Variants in EXOSC6 observed in about 807,000 individuals in gnomAD.
EXOSC6 encodes exosome component 6.
A neutral mutation model predicts 16.7 loss-of-function variants in EXOSC6; 21 were observed. That is an observed-to-expected ratio of 1.26 (90% CI 0.89 to 1.82). The LOEUF (loss-of-function observed/expected upper bound fraction) is 1.82. Ranked by LOEUF, EXOSC6 falls within the 40% of genes most tolerant of loss-of-function variation. The pLI is 0.00. For missense variants in EXOSC6, 538 were observed against 415.7 expected (o/e 1.29, Z -2.56); for synonymous variants, 297 against 217.1 (o/e 1.37, Z -3.24).
chr16:70,251,202 C>T lies in EXOSC6; in HGVS notation c.699G>A (p.Leu233=), dbSNP rs759924078. Residue 233 remains leucine, a synonymous_variant, in exon 1 of 1, where the codon CTG becomes CTA. Transcript: ENST00000435634. ...GTACGGCCTCCGCCCAGCTCTCTGT[C>T]AGGCCGCCCTCGCCGCTGCCCAGCA... The part of the protein sequence containing the change: ...AGLLGSGEGG[L]TESWAEAVRL... 2 of 1,512,882 alleles carry T rather than the reference C, an allele frequency of 1.3e-6. No homozygotes were observed. Among genetic ancestry groups the T allele is most frequent in the African/African-American group, 1.4e-5 (1 of 69,456 alleles). The allele number at this position is 1,512,882 out of a possible 1,614,324, so 93.7% of individuals were successfully genotyped here.
chr16:70,250,785 G>A lies in EXOSC6; in HGVS notation c.*297C>T. On this transcript the variant is annotated 3_prime_UTR_variant, in exon 1 of 1. Transcript: ENST00000435634. ...AAGGCAGGAGGATCAATCAAGGCTAGGAGTTTGAGACTGCAGAAAGAAACC... is the reference window on the plus strand; with the variant it reads ...AAGGCAGGAGGATCAATCAAGGCTAAGAGTTTGAGACTGCAGAAAGAAACC... 2.9e-6 allele frequency: 1 copy of A among 347,704 alleles called. No individual in the cohort carries two copies. Among genetic ancestry groups the A allele is most frequent in the Non-Finnish European group, 5.1e-6 (1 of 194,400 alleles). 21.5% of individuals were successfully genotyped at this position (347,704 alleles called of 1,614,324 possible). A position where few individuals can be genotyped will look rare whatever the true frequency, so the allele number is the denominator to read the frequency against.
chr16:70,251,754 G>T lies in EXOSC6; in HGVS notation c.147C>A (p.Ala49=). 1 of 1,425,632 alleles carries T rather than the reference G, an allele frequency of 7.0e-7. No homozygotes were observed. The highest frequency in any genetic ancestry group is 9.1e-7 in the Non-Finnish European group (1 of 1,101,188). 88.3% of individuals were successfully genotyped at this position (1,425,632 alleles called of 1,614,324 possible). Reference sequence around the variant, plus strand: ...CCGCCTCCAGGTAGGCCGAGCCCTTGGCCTGGCTCAGCAGCCCGGCGCGCG... The same window carrying T: ...CCGCCTCCAGGTAGGCCGAGCCCTTTGCCTGGCTCAGCAGCCCGGCGCGCG... The part of the protein sequence containing the change: ...VYARAGLLSQ[A]KGSAYLEAGG... The change falls in exon 1 of 1, where the codon GCC becomes GCA. Residue 49 remains alanine, a synonymous_variant. Transcript: ENST00000435634.
chr16:70,251,434 G>T lies in EXOSC6; in HGVS notation c.467C>A (p.Ser156Ter). 1 of 1,347,478 alleles carries T rather than the reference G, an allele frequency of 7.4e-7. No homozygotes were observed. The highest frequency in any genetic ancestry group is 1.5e-5 in the African/African-American group (1 of 65,344). The allele number at this position is 1,347,478 out of a possible 1,614,324, so 83.5% of individuals were successfully genotyped here. Residue 156 changes from serine (S) to a stop codon, truncating the protein, a stop_gained, in exon 1 of 1, where the codon TCG becomes TAG. Transcript: ENST00000435634. LOFTEE classifies it high-confidence loss of function. ...GGCGGTGAGCGCGGCGGCCAGGGCC[G>T]AGCCACCGTCCTCCAGCAGCAGCGC... ...VSALLLEDGG[S>*]ALAAALTAAA...
chr16:70,248,826 G>C lies in EXOSC6; in HGVS notation c.*2256C>G, dbSNP rs1260076078. ...AAACAGGGTTTCACCTTGTTGCCCA[G>C]GCTGGTCTCAAACTCCTGGACTCAG... On this transcript the variant is annotated 3_prime_UTR_variant, in exon 1 of 1. Transcript: ENST00000435634. 7.7e-6 allele frequency: 1 copy of C among 129,208 alleles called. No individual in the cohort carries two copies. The highest frequency in any genetic ancestry group is 1.6e-5 in the Non-Finnish European group (1 of 63,906). The allele number at this position is 129,208 out of a possible 1,614,324, so 8.0% of individuals were successfully genotyped here. A position where few individuals can be genotyped will look rare whatever the true frequency, so the allele number is the denominator to read the frequency against.
rs1285147174 is a variant in EXOSC6 at position 70,251,522 on chromosome 16, G to GCAGCGC, written c.373_378dup (p.Ala125_Leu126dup). The GCAGCGC allele has an allele frequency of 3.3e-5, 41 of 1,254,768 alleles. No homozygotes were observed. Among genetic ancestry groups the GCAGCGC allele is most frequent in the South Asian group, 1.7e-4 (7 of 40,114 alleles). The allele number at this position is 1,254,768 out of a possible 1,614,324, so 77.7% of individuals were successfully genotyped here. On this transcript the variant is annotated inframe_insertion, in exon 1 of 1. Coordinates refer to ENST00000435634, the MANE Select transcript of EXOSC6 (RefSeq NM_058219.3). ...CGCACAGCCGGCTCCAGCGCCTCCT[G>GCAGCGC]CAGCGCCAGCGCCAGCTCACGCTCC...
Position 70,251,452 on chromosome 16 carries a change from A to G in EXOSC6, c.449T>C (p.Leu150Pro). The change falls in exon 1 of 1, where the codon CTG (leucine) becomes CCG (proline). Residue 150 changes from leucine (L) to proline (P), a missense_variant. By Grantham distance (98) the Leu-to-Pro change is moderately conservative. Transcript: ENST00000435634. ...CAGGGCCGAGCCACCGTCCTCCAGC[A>G]GCAGCGCCGACACCTCGAGCTGCGC... ...PRAQLEVSAL[L>P]LEDGGSALAA... is the part of the protein sequence containing the mutation. The G allele has an allele frequency of 1.5e-6, 2 of 1,343,786 alleles. No homozygotes were observed. Among genetic ancestry groups the G allele is most frequent in the Non-Finnish European group, 9.5e-7 (1 of 1,048,726 alleles). 83.2% of individuals were successfully genotyped at this position (1,343,786 alleles called of 1,614,324 possible). A position where few individuals can be genotyped will look rare whatever the true frequency, so the allele number is the denominator to read the frequency against.
rs1264414923 is a variant in EXOSC6, at chr16:70,251,890, T to G, written c.11A>C (p.Asp4Ala). The G allele has an allele frequency of 6.5e-7, 1 of 1,539,752 alleles. No individual in the cohort carries two copies. Among genetic ancestry groups the G allele is most frequent in the African/African-American group, 1.4e-5 (1 of 70,402 alleles). Residue 4 changes from aspartate (D) to alanine (A), a missense_variant, in exon 1 of 1, where the codon GAT becomes GCT. Transcript: ENST00000435634. Reference sequence around the variant, plus strand: ...TTCAGGGCCGCGGATGCGGCGGTGATCCCCAGGCATGGCGGTTCTTGGCGT... The same window carrying G: ...TTCAGGGCCGCGGATGCGGCGGTGAGCCCCAGGCATGGCGGTTCTTGGCGT... The part of the protein sequence containing the change: MPG[D>A]HRRIRGPEES...
Position 70,250,877 on chromosome 16 carries a change from CTG to C in EXOSC6, c.*203_*204del. 1 of 523,012 alleles carries C rather than the reference CTG, an allele frequency of 1.9e-6. No homozygotes were observed. The allele number at this position is 523,012 out of a possible 1,614,324, so 32.4% of individuals were successfully genotyped here. On this transcript the variant is annotated 3_prime_UTR_variant, in exon 1 of 1. Transcript: ENST00000435634. ...TCCACCACAAGCGCAGCTCCAGGGG[CTG>C]TTGAGTTTTGCCTTTATCATTCCAA...
chr16:70,251,792 G>C lies in EXOSC6; in HGVS notation c.109C>G (p.Arg37Gly), dbSNP rs1274101394. 6.7e-7 allele frequency: 1 copy of C among 1,495,840 alleles called. No homozygotes were observed. Among genetic ancestry groups the C allele is most frequent in the Non-Finnish European group, 8.8e-7 (1 of 1,132,470 alleles). 92.7% of individuals were successfully genotyped at this position (1,495,840 alleles called of 1,614,324 possible). The change falls in exon 1 of 1, where the codon CGG (arginine) becomes GGG (glycine). Residue 37 changes from arginine to glycine, a missense_variant. Physicochemically the swap from Arg to Gly is moderately radical, Grantham distance 125. Coordinates refer to ENST00000435634, the MANE Select transcript of EXOSC6 (RefSeq NM_058219.3). ...AGCCCGGCGCGCGCGTACACGGGCC[G>C]TAGCCGCGTTGGGTCGCGGGTGCCG... is the stretch of plus-strand genomic sequence containing the variant. ...APGTRDPTRL[R>G]PVYARAGLLS...
At position 70,251,820 on chromosome 16, in the gene EXOSC6, C is replaced by A. The variant is rs760131999; in HGVS notation, c.81G>T (p.Ala27=). Residue 27 remains alanine, a synonymous_variant, in exon 1 of 1, where the codon GCG becomes GCT. Transcript: ENST00000435634. ...GCCGCGTTGGGTCGCGGGTGCCGGG[C>A]GCCTCCTCCTCGTCGGCCGCGTACA... ...PQLYAADEEE[A]PGTRDPTRLR... is the part of the protein sequence containing the mutation. 191 of 1,530,502 alleles carry A rather than the reference C, an allele frequency of 1.2e-4. No individual in the cohort carries two copies. Among genetic ancestry groups the A allele is most frequent in the Non-Finnish European group, 1.5e-4 (177 of 1,149,372 alleles). The allele number at this position is 1,530,502 out of a possible 1,614,324, so 94.8% of individuals were successfully genotyped here.
Position 70,251,568 on chromosome 16 carries a change from G to A in EXOSC6, c.333C>T (p.Arg111=). Residue 111 remains arginine (R), a synonymous_variant, in exon 1 of 1, where the codon CGC becomes CGT. Coordinates refer to ENST00000435634, the MANE Select transcript of EXOSC6 (RefSeq NM_058219.3). ...GCTCCTCGCAGCCGCCCGGGGGAGC[G>A]CGGCGCCGGCGGCCCGCGAAGGGTG... is the stretch of plus-strand genomic sequence containing the variant. ...RRAPFAGRRR[R]APPGGCEERE... 2 of 1,110,562 alleles carry A rather than the reference G, an allele frequency of 1.8e-6. No homozygotes were observed. Among genetic ancestry groups the A allele is most frequent in the Non-Finnish European group, 2.2e-6 (2 of 913,164 alleles). The allele number at this position is 1,110,562 out of a possible 1,614,324, so 68.8% of individuals were successfully genotyped here. A position where few individuals can be genotyped will look rare whatever the true frequency, so the allele number is the denominator to read the frequency against.
rs1959828871 is a variant in EXOSC6 at position 70,251,753 on chromosome 16, T to G, written c.148A>C (p.Lys50Gln). 7.0e-7 allele frequency: 1 copy of G among 1,424,560 alleles called. No individual in the cohort carries two copies. Among genetic ancestry groups the G allele is most frequent in the Non-Finnish European group, 9.1e-7 (1 of 1,100,776 alleles). The allele number at this position is 1,424,560 out of a possible 1,614,324, so 88.2% of individuals were successfully genotyped here. ...YARAGLLSQA[K>Q]GSAYLEAGGT... ...CCCGCCTCCAGGTAGGCCGAGCCCT[T>G]GGCCTGGCTCAGCAGCCCGGCGCGC... is the stretch of plus-strand genomic sequence containing the variant. The change falls in exon 1 of 1, where the codon AAG (lysine) becomes CAG (glutamine). Residue 50 changes from lysine to glutamine, a missense_variant. Coordinates refer to ENST00000435634, the MANE Select transcript of EXOSC6 (RefSeq NM_058219.3).
chr16:70,251,854 G>C lies in EXOSC6; in HGVS notation c.47C>G (p.Pro16Arg), dbSNP rs748576023. 1.5e-5 allele frequency: 24 copies of C among 1,555,098 alleles called. No homozygotes were observed. The highest frequency in any genetic ancestry group is 1.1e-4 in the Admixed American group (6 of 55,248). Residue 16 changes from proline to arginine, a missense_variant, in exon 1 of 1, where the codon CCG (proline) becomes CGG (arginine). Physicochemically the swap from Pro to Arg is moderately radical, Grantham distance 103 (BLOSUM62 -2). Transcript: ENST00000435634. Reference protein sequence around the residue: ...RRIRGPEESQPPQLYAADEEE... With the variant: ...RRIRGPEESQRPQLYAADEEE... ...CTCGTCGGCCGCGTACAGCTGCGGC[G>C]GCTGCGATTCTTCAGGGCCGCGGAT...
rs923945041 is a variant in EXOSC6 at position 70,251,086 on chromosome 16, G to A, written c.815C>T (p.Pro272Leu). 5 of 1,478,002 alleles carry A rather than the reference G, an allele frequency of 3.4e-6. No homozygotes were observed. Among genetic ancestry groups the A allele is most frequent in the East Asian group, 2.7e-5 (1 of 37,248 alleles). The allele number at this position is 1,478,002 out of a possible 1,614,324, so 91.6% of individuals were successfully genotyped here. Residue 272 changes from proline (P) to leucine (L), a missense_variant, in exon 1 of 1, where the codon CCC becomes CTC. Physicochemically the swap from Pro to Leu is moderately conservative, Grantham distance 98. Transcript: ENST00000435634. ...AARRRGAAAQ[P>L] is the part of the protein sequence containing the mutation. ...GTAGTTGCTCAGGCTTCTGGTTCAG[G>A]GCTGGGCGGCGGCGCCCCTGCGGCG...
rs1328883875 is a variant in EXOSC6 at position 70,248,969 on chromosome 16, A to C, written c.*2113T>G. The C allele has an allele frequency of 6.8e-6, 1 of 146,604 alleles. No individual in the cohort carries two copies. Among genetic ancestry groups the C allele is most frequent in the Non-Finnish European group, 1.5e-5 (1 of 67,106 alleles). The allele number at this position is 146,604 out of a possible 1,614,324, so 9.1% of individuals were successfully genotyped here. A position where few individuals can be genotyped will look rare whatever the true frequency, so the allele number is the denominator to read the frequency against. On this transcript the variant is annotated 3_prime_UTR_variant, in exon 1 of 1. Coordinates refer to ENST00000435634, the MANE Select transcript of EXOSC6 (RefSeq NM_058219.3). ...AGAGAACACTCCTTATATTTCCTTT[A>C]TATTTTGTAAACTACATACCCAAAA...
rs1465886509 is a variant in EXOSC6, at chr16:70,250,800, A to T, written c.*282T>A. ...ATCAAGGCTAGGAGTTTGAGACTGC[A>T]GAAAGAAACCCTGTCTCTAAAAAAA... On this transcript the variant is annotated 3_prime_UTR_variant, in exon 1 of 1. Coordinates refer to ENST00000435634, the MANE Select transcript of EXOSC6 (RefSeq NM_058219.3). 1 of 369,642 alleles carries T rather than the reference A, an allele frequency of 2.7e-6. No individual in the cohort carries two copies. Among genetic ancestry groups the T allele is most frequent in the African/African-American group, 2.1e-5 (1 of 47,696 alleles). 22.9% of individuals were successfully genotyped at this position (369,642 alleles called of 1,614,324 possible).
At position 70,250,817 on chromosome 16, in the gene EXOSC6, C is replaced by CT. The variant is rs1959796770; in HGVS notation, c.*264dup. 5.1e-6 allele frequency: 2 copies of CT among 394,224 alleles called. No homozygotes were observed. The highest frequency in any genetic ancestry group is 4.1e-5 in the African/African-American group (2 of 48,328). 24.4% of individuals were successfully genotyped at this position (394,224 alleles called of 1,614,324 possible). On this transcript the variant is annotated 3_prime_UTR_variant, in exon 1 of 1. Transcript: ENST00000435634. ...GAGACTGCAGAAAGAAACCCTGTCT[C>CT]TAAAAAAAAGGTCCAGGTAATTTCA...
chr16:70,251,886 G>GT lies in EXOSC6; in HGVS notation c.14dup (p.His5GlnfsTer8). 1 of 1,543,990 alleles carries GT rather than the reference G, an allele frequency of 6.5e-7. No homozygotes were observed. The highest frequency in any genetic ancestry group is 8.7e-7 in the Non-Finnish European group (1 of 1,155,458). On this transcript the variant is annotated frameshift_variant, in exon 1 of 1. Transcript: ENST00000435634. LOFTEE classifies it high-confidence loss of function. ...ATTCTTCAGGGCCGCGGATGCGGCG[G>GT]TGATCCCCAGGCATGGCGGTTCTTG...
In EXOSC6 at chr16:70,250,308, C is replaced by CT. The variant is rs897724230; in HGVS notation, c.*773dup. The CT allele has an allele frequency of 6.6e-6, 1 of 152,188 alleles. No individual in the cohort carries two copies. The highest frequency in any genetic ancestry group is 2.4e-5 in the African/African-American group (1 of 41,436). The allele number at this position is 152,188 out of a possible 1,614,324, so 9.4% of individuals were successfully genotyped here. A position where few individuals can be genotyped will look rare whatever the true frequency, so the allele number is the denominator to read the frequency against. On this transcript the variant is annotated 3_prime_UTR_variant, in exon 1 of 1. Coordinates refer to ENST00000435634, the MANE Select transcript of EXOSC6 (RefSeq NM_058219.3). The stretch of plus-strand genomic sequence containing the variant: ...AGGGCCGCAGAAAACACACATAATA[C>CT]TTTATTCCTGATAAACAATTCGATG...
Sources: allele counts gnomAD v4.1 joint callset, GRCh38; gene constraint gnomAD v4.1.1; transcripts MANE v1.5; gene names NCBI Gene and HGNC (gene_info 2026-07-23, HGNC 2026-07-21).